Variants in FAF1 observed in about 807,000 individuals in gnomAD.
FAF1 encodes the protein FAS-associated factor 1.
A neutral mutation model predicts 92.5 loss-of-function variants in FAF1; 25 were observed. The ratio of observed to expected loss-of-function variants is 0.27; its 90% CI spans 0.20 to 0.38. The LOEUF (loss-of-function observed/expected upper bound fraction) is 0.38, where lower values mean the gene tolerates loss of function less well. FAF1 is among the 10% of genes least tolerant of loss of function. The pLI is 1.00. For synonymous variants in FAF1, 234 were observed against 273.2 expected, an observed-to-expected ratio of 0.86 and a Z score of 1.42; for missense variants, 636 against 793.3, an observed-to-expected ratio of 0.80 and a Z score of 2.38.
chr1:50,760,914 G>A (rs773852534), intron 4 of FAF1, among the ~76,000 whole-genome samples: 9 of 151,820 alleles, frequency 5.9e-5, no homozygotes, highest in Non-Finnish European at 8.8e-5. Flanking sequence ...TTTTTTGAAA[G>A]GATCAACAAA....
chr1:50,623,861 G>A (rs1442748244), intron 8 of FAF1, among the ~76,000 whole-genome samples: 1 of 151,804 alleles, frequency 6.6e-6, no homozygotes, highest in Non-Finnish European at 1.5e-5. Flanking sequence ...GAGCCCAGGA[G>A]CCAGGAGGCA....
intron 9 of FAF1, among the ~76,000 whole-genome samples, chr1:50,590,067 G>GT (rs1419527221): frequency 1.1e-4 from 17 of 152,222 alleles, no homozygotes; most frequent in African/African-American, 3.6e-4. Flanking sequence ...TGAGATTACT[G>GT]TATCTTTTTA....
chr1:50,570,245 G>A (rs1055589282), intron 12 of FAF1, among the ~76,000 whole-genome samples: 2 of 152,084 alleles, frequency 1.3e-5, no homozygotes, highest in Non-Finnish European at 2.9e-5. Flanking sequence ...GAATGCAGAC[G>A]GTGAAAAAGA....
At chr1:50,875,696 C>T (rs1023319546) in intron 1 of FAF1, among the ~76,000 whole-genome samples, 2 of 152,086 alleles carry the variant, frequency 1.3e-5, no homozygotes, top group African/African-American at 4.8e-5. Context: ...TGTGATCCAC[C>T]CCCCTCGGCC....
At chr1:50,554,390 T>TATAGAGAGAGAGAG in intron 13 of FAF1, among the ~76,000 whole-genome samples, 4 of 93,688 alleles carry the variant, frequency 4.3e-5, no homozygotes, top group African/African-American at 1.4e-4. Context: ...TATATATATA[T>TATAGAGAGAGAGAG]AGAGAGAGAG....
intron 2 of FAF1, among the ~76,000 whole-genome samples, chr1:50,845,599 C>T (rs1195756207): frequency 6.6e-6 from 1 of 152,108 alleles, no homozygotes. Context: ...CCCACCTGCA[C>T]AGAAGATGCT....
At chr1:50,863,944 GTC>G (rs1188722925) in intron 1 of FAF1, among the ~76,000 whole-genome samples, 1 of 152,064 alleles carries the variant, frequency 6.6e-6, no homozygotes. Context: ...GAGTGTATGT[GTC>G]GAGGAATTTA....
chr1:50,843,234 G>C (rs1644270691), intron 2 of FAF1, among the ~76,000 whole-genome samples: 2 of 152,000 alleles, frequency 1.3e-5, no homozygotes, highest in Admixed American at 6.6e-5. Flanking sequence ...GTTTGCCTAT[G>C]GTTTCCGACC....
At chr1:50,952,166 T>G (rs1360797991) in intron 1 of FAF1, among the ~76,000 whole-genome samples, 1 of 152,250 alleles carries the variant, frequency 6.6e-6, no homozygotes, top group Non-Finnish European at 1.5e-5. Context: ...CAGCCGAGGC[T>G]GGACTGGACT....
At chr1:50,745,050 G>T (rs1227654127) in intron 4 of FAF1, among the ~76,000 whole-genome samples, 1 of 152,190 alleles carries the variant, frequency 6.6e-6, no homozygotes, top group Non-Finnish European at 1.5e-5. Context: ...CACTTTGAGA[G>T]GCCAAGGTGG....
At position 50,738,963 on chromosome 1, in the gene FAF1, G is replaced by C; in HGVS notation, c.460-9C>G. ...AGAGATTTTAGGACCGTCTGAAAAA[G>C]AAAAAACACAGCAAAAAATGAATGT... On this transcript the variant is annotated splice_polypyrimidine_tract_variant and intron_variant, in intron 5 of 18. Transcript: ENST00000396153. 1 of 1,522,164 alleles carries C rather than the reference G, an allele frequency of 6.6e-7. No individual in the cohort carries two copies. The highest frequency in any genetic ancestry group is 9.0e-7 in the Non-Finnish European group (1 of 1,113,990). 94.3% of individuals were successfully genotyped at this position (1,522,164 alleles called of 1,614,324 possible).
At chr1:50,715,761 T>C (rs1159675407) in intron 6 of FAF1, among the ~76,000 whole-genome samples, 2 of 152,158 alleles carry the variant, frequency 1.3e-5, no homozygotes, top group African/African-American at 4.8e-5. Flanking sequence ...TGAGTACCAA[T>C]GTAATTTTAA....
intron 6 of FAF1, among the ~76,000 whole-genome samples, chr1:50,720,651 T>A (rs1369354200): frequency 1.3e-5 from 2 of 151,982 alleles, no homozygotes; most frequent in African/African-American, 4.8e-5. Context: ...TAAAGACAGA[T>A]CCTCCAAAAG....
chr1:50,634,219 G>C (rs1400956544), intron 8 of FAF1, among the ~76,000 whole-genome samples: 1 of 151,486 alleles, frequency 6.6e-6, no homozygotes, highest in Non-Finnish European at 1.5e-5. Flanking sequence ...AAACACAGTT[G>C]TAAGCACCCC....
At chr1:50,822,686 T>C (rs1371141487) in intron 2 of FAF1, among the ~76,000 whole-genome samples, 1 of 152,088 alleles carries the variant, frequency 6.6e-6, no homozygotes, top group African/African-American at 2.4e-5. Context: ...CAGATTGAAT[T>C]TGCGAGCTAA....
intron 7 of FAF1, among the ~76,000 whole-genome samples, chr1:50,672,583 A>G (rs184856899): frequency 8.2e-4 from 125 of 152,260 alleles, no homozygotes; most frequent in Admixed American, 2.2e-3. Flanking sequence ...GCGCCTGGCC[A>G]GCAATTTAAG....
At chr1:50,793,657 C>A (rs148890459) in intron 3 of FAF1, among the ~76,000 whole-genome samples, 1 of 152,186 alleles carries the variant, frequency 6.6e-6, no homozygotes, top group Admixed American at 6.5e-5. Flanking sequence ...TTTGTAAGCA[C>A]TGGGACGTGC....
chr1:50,722,156 G>A (rs1261456444), intron 6 of FAF1, among the ~76,000 whole-genome samples: 1 of 152,056 alleles, frequency 6.6e-6, no homozygotes, highest in Admixed American at 6.6e-5. Flanking sequence ...GAGCATCATC[G>A]CTTCATCCAT....
chr1:50,577,623 A>G (rs749823935), intron 12 of FAF1, among the ~76,000 whole-genome samples: 1 of 152,184 alleles, frequency 6.6e-6, no homozygotes, highest in Non-Finnish European at 1.5e-5. Flanking sequence ...ATGGTATATT[A>G]TACTATATGG....
Sources: allele counts gnomAD v4.1 joint callset (sites outside exome capture counted in the v4.1 genomes callset), GRCh38; gene constraint gnomAD v4.1.1; transcripts MANE v1.5; gene names NCBI Gene and HGNC (gene_info 2026-07-23, HGNC 2026-07-21).